The following XPNPEP2 variants were observed in gnomAD, a reference collection of about 807,000 sequenced individuals.
XPNPEP2 encodes the protein xaa-Pro aminopeptidase 2.
In XPNPEP2, 64 loss-of-function variants were observed where a neutral mutation model predicts 59.8. The observed-to-expected ratio is 1.07, with a 90% CI of 0.87 to 1.32. The LOEUF (loss-of-function observed/expected upper bound fraction) is 1.32, where lower values mean the gene tolerates loss of function less well. Among genes scored for constraint, XPNPEP2 ranks in the 40% most tolerant of loss-of-function variants. The pLI, the probability that XPNPEP2 is intolerant of heterozygous loss-of-function variation, is 0.00. For missense variants in XPNPEP2, 575 were observed against 546.8 expected (o/e 1.05, Z -0.51); for synonymous variants, 235 against 210.0 (o/e 1.12, Z -1.03).
At chrX:129,767,836 C>T in intron 20 of XPNPEP2, 144 bp downstream of exon 20, 1 of 603,065 alleles carries the variant, frequency 1.7e-6, no homozygotes, top group Non-Finnish European at 2.7e-6. Flanking sequence ...GCATTCCTCC[C>T]CAGCTCATCA....
chrX:129,744,985 T>A (rs929432266), intron 3 of XPNPEP2, among the ~76,000 whole-genome samples: 3 of 109,156 alleles, frequency 2.7e-5, no homozygotes, highest in South Asian at 7.9e-4. Context: ...GGCGGGGGAG[T>A]TGAACTGCAA....
Position 129,760,601 on chromosome X carries a change from C to T in XPNPEP2, c.1498+20C>T. The T allele has an allele frequency of 8.3e-7, 1 of 1,203,563 alleles. No homozygotes were observed. The highest frequency in any genetic ancestry group is 3.0e-5 in the East Asian group (1 of 33,815). Reference sequence around the variant, plus strand: ...CATCAGGTGGGTTTCAGAAACCAGTCTGGACACAGCCTCAGGCCCTGATTT... The same window carrying T: ...CATCAGGTGGGTTTCAGAAACCAGTTTGGACACAGCCTCAGGCCCTGATTT... On this transcript the variant is annotated intron_variant, in intron 16 of 20. Transcript: ENST00000371106.
At chrX:129,762,567 C>T (rs1409464700) in intron 18 of XPNPEP2, 127 bp from the exon 19 acceptor site, 2 of 564,048 alleles carry the variant, frequency 3.5e-6, no homozygotes, top group Non-Finnish European at 6.0e-6. Context: ...AGTTGTGGGG[C>T]TGCCAGAGTC....
At position 129,739,334 on chromosome X, in the gene XPNPEP2, G is replaced by C. The variant is rs375158843; in HGVS notation, c.49+72G>C. The C allele has an allele frequency of 1.5e-3, 1,577 of 1,077,145 alleles. 2 individuals are homozygous for C. Among genetic ancestry groups the C allele is most frequent in the Non-Finnish European group, 1.7e-3 (1,368 of 791,209 alleles). The allele number at this position is 1,077,145 out of a possible 1,213,427, so 88.8% of individuals were successfully genotyped here. A position where few individuals can be genotyped will look rare whatever the true frequency, so the allele number is the denominator to read the frequency against. ...CTCTGAGCTCAGAAAGGGTTGGAGT[G>C]AGGGTTGGGGCCCGAGTCTCTTTTT... On this transcript the variant is annotated intron_variant, in intron 1 of 20. Transcript: ENST00000371106.
In XPNPEP2 at chrX:129,747,710, G is replaced by A. The variant is rs1011245608; in HGVS notation, c.594G>A (p.Pro198=). 5.0e-6 allele frequency: 6 copies of A among 1,210,478 alleles called. No homozygotes were observed. The highest frequency in any genetic ancestry group is 5.9e-5 in the East Asian group (2 of 33,793). The change falls in exon 7 of 21, where the codon CCG becomes CCA. Residue 198 remains proline, a synonymous_variant. Transcript: ENST00000371106. ...TGGTATGGGGATCAGAGAGGCCACC[G>A]GTTCCAAATCAACCCATTTATGCCC... ...VDLVWGSERP[P]VPNQPIYALQ...
At chrX:129,755,803 C>T (rs780802753) in intron 13 of XPNPEP2, among the ~76,000 whole-genome samples, 7 of 112,815 alleles carry the variant, frequency 6.2e-5, no homozygotes, top group East Asian at 2.8e-4. Context: ...CAGCTGCCTC[C>T]GCCTGGCATG....
Position 129,768,685 on chromosome X carries a change from C to T in XPNPEP2, c.*200C>T. 2.9e-6 allele frequency: 1 copy of T among 348,943 alleles called. No individual in the cohort carries two copies. The highest frequency in any genetic ancestry group is 5.3e-5 in the Admixed American group (1 of 18,788). The allele number at this position is 348,943 out of a possible 1,213,427, so 28.8% of individuals were successfully genotyped here. ...AGGGCTTCTTGGCCCCAGATGGCAC[C>T]TCCCTGCACCCCGGGGTTGTATACC... On this transcript the variant is annotated 3_prime_UTR_variant, in exon 21 of 21. Transcript: ENST00000371106.
At chrX:129,757,609 C>A (rs1241666677) in intron 14 of XPNPEP2, among the ~76,000 whole-genome samples, 1 of 106,988 alleles carries the variant, frequency 9.3e-6, no homozygotes, top group Non-Finnish European at 1.9e-5. Flanking sequence ...AGCTTGAGAC[C>A]AGCCTGGGCA....
rs146840263 is a variant in XPNPEP2, at chrX:129,754,556, G to A, written c.1192G>A (p.Ala398Thr). The A allele has an allele frequency of 5.6e-5, 67 of 1,187,998 alleles. No homozygotes were observed. In the African/African-American group the frequency reaches 9.6e-4, roughly 17 times the overall value. ...AGGCACAGTGGATGAGTTCTCGGGG[G>A]CAGAGATCGTGGACAAGTTCCGAGG... ...PKGTVDEFSGAEIVDKFRGEE... is the reference protein window; with the variant it reads ...PKGTVDEFSGTEIVDKFRGEE... The change falls in exon 12 of 21, where the codon GCA (alanine) becomes ACA (threonine). Residue 398 changes from alanine to threonine, a missense_variant. Transcript: ENST00000371106.
intron 19 of XPNPEP2, among the ~76,000 whole-genome samples, chrX:129,765,593 ATTG>A (rs1926733669): frequency 1.1e-5 from 1 of 93,331 alleles, no homozygotes; most frequent in Admixed American, 1.1e-4. Flanking sequence ...ATGGTATTCT[ATTG>A]TTGTTTTGAC....
intron 19 of XPNPEP2, among the ~76,000 whole-genome samples, chrX:129,764,372 A>G (rs962328496): frequency 2.7e-5 from 3 of 110,628 alleles, no homozygotes; most frequent in Non-Finnish European, 5.7e-5. Flanking sequence ...AAAGAAATAC[A>G]AGACCGGGCG....
At chrX:129,755,254 G>T in intron 12 of XPNPEP2, 40 bp from the exon 13 acceptor site, 1 of 1,171,280 alleles carries the variant, frequency 8.5e-7, no homozygotes, top group Non-Finnish European at 1.2e-6. Context: ...CCTAGTCCAG[G>T]GGCCCATTCA....
At position 129,768,682 on chromosome X, in the gene XPNPEP2, C is replaced by T; in HGVS notation, c.*197C>T. 1 of 347,277 alleles carries T rather than the reference C, an allele frequency of 2.9e-6. No individual in the cohort carries two copies. The highest frequency in any genetic ancestry group is 4.9e-6 in the Non-Finnish European group (1 of 205,318). 28.6% of individuals were successfully genotyped at this position (347,277 alleles called of 1,213,427 possible). On this transcript the variant is annotated 3_prime_UTR_variant, in exon 21 of 21. Coordinates refer to ENST00000371106, the MANE Select transcript of XPNPEP2 (RefSeq NM_003399.6). ...CACAGGGCTTCTTGGCCCCAGATGGCACCTCCCTGCACCCCGGGGTTGTAT... is the reference window on the plus strand; with the variant it reads ...CACAGGGCTTCTTGGCCCCAGATGGTACCTCCCTGCACCCCGGGGTTGTAT...
At position 129,761,252 on chromosome X, in the gene XPNPEP2, G is replaced by A. The variant is rs1322731692; in HGVS notation, c.1579G>A (p.Gly527Ser). 2.5e-6 allele frequency: 3 copies of A among 1,210,210 alleles called. No homozygotes were observed. The highest frequency in any genetic ancestry group is 5.9e-5 in the East Asian group (2 of 33,785). ...NYGHGTGHGI[G>S]NFLCVHEWPV... ...TGGTCATGGGACAGGCCACGGCATTGGCAACTTCCTGTGTGTGCATGAGTG... is the reference window on the plus strand; with the variant it reads ...TGGTCATGGGACAGGCCACGGCATTAGCAACTTCCTGTGTGTGCATGAGTG... Residue 527 changes from glycine to serine, a missense_variant, in exon 17 of 21, where the codon GGC (glycine) becomes AGC (serine). Gly to Ser is a moderately conservative substitution (Grantham distance 56, BLOSUM62 0). Transcript: ENST00000371106.
At chrX:129,759,069 G>C in intron 14 of XPNPEP2, 111 bp from the exon 15 acceptor site, 2 of 899,193 alleles carry the variant, frequency 2.2e-6, no homozygotes. Flanking sequence ...TCTTCCTTTC[G>C]CCGTCCACCC....
chrX:129,757,923 GAAAGAAAGA>G (rs1325621003), intron 14 of XPNPEP2, among the ~76,000 whole-genome samples: 14 of 104,089 alleles, frequency 1.3e-4, no homozygotes, highest in South Asian at 8.9e-4. Context: ...AAGAAAGAAA[GAAAGAAAGA>G]AAGAAAGAAA....
At chrX:129,744,245 C>T (rs1167542429) in intron 3 of XPNPEP2, among the ~76,000 whole-genome samples, 174 bp downstream of exon 3, 2 of 112,290 alleles carry the variant, frequency 1.8e-5, no homozygotes, top group African/African-American at 6.5e-5. Flanking sequence ...ATGTATCCCT[C>T]TACATAGGCG....
At chrX:129,766,813 G>C (rs1433236485) in intron 19 of XPNPEP2, among the ~76,000 whole-genome samples, 1 of 112,005 alleles carries the variant, frequency 8.9e-6, no homozygotes, top group Non-Finnish European at 1.9e-5. Context: ...TGCCTGGGGA[G>C]GCCTTGGGAA....
chrX:129,762,089 C>T, intron 18 of XPNPEP2, 24 bp downstream of exon 18: 1 of 1,202,131 alleles, frequency 8.3e-7, no homozygotes, highest in African/African-American at 1.7e-5. Context: ...GCCCCTCTAC[C>T]TCACCACCCC....
Sources: allele counts gnomAD v4.1 joint callset (sites outside exome capture counted in the v4.1 genomes callset), GRCh38; gene constraint gnomAD v4.1.1; transcripts MANE v1.5; gene names NCBI Gene and HGNC (gene_info 2026-07-23, HGNC 2026-07-21).